Variants in DNAH5 observed in about 807,000 individuals in gnomAD.
The protein encoded by DNAH5 is axonemal beta dynein heavy chain 5.
Under a neutral mutation model 518.2 loss-of-function variants are expected in DNAH5, and 372 were observed. The observed-to-expected ratio is 0.72, with a 90% CI of 0.66 to 0.78. DNAH5 has a LOEUF of 0.78. DNAH5 is among the 30% of genes least tolerant of loss of function. The pLI is 0.00. For missense variants in DNAH5, 5,523 were observed against 5,687.0 expected (o/e 0.97, Z 0.93); for synonymous variants, 2,039 against 2,025.9 (o/e 1.01, Z -0.17).
chr5:13,754,275 C>T lies in DNAH5; in HGVS notation c.10483G>A (p.Gly3495Ser). 1 of 1,614,120 alleles carries T rather than the reference C, an allele frequency of 6.2e-7. No homozygotes were observed. The highest frequency in any genetic ancestry group is 8.5e-7 in the Non-Finnish European group (1 of 1,179,992). The change falls in exon 62 of 79, where the codon GGC (glycine) becomes AGC (serine). Residue 3495 changes from glycine (G) to serine (S), a missense_variant. Gly to Ser is a moderately conservative substitution (Grantham distance 56, BLOSUM62 0). Around this residue, in one of 3 missense-constraint regions of DNAH5, gnomAD observed 5,121 missense variants for 5,223.3 expected, o/e 0.98. Transcript: ENST00000265104. ...KMQTASTLIS[G>S]LAGEKERWTE... ...CATCTTTCTTTTTCACCTGCCAAGC[C>T]ACTGATGAGCGTGGAAGCTGTCTGC... is the stretch of plus-strand genomic sequence containing the variant.
chr5:13,753,458 T>C lies in DNAH5; in HGVS notation c.10647A>G (p.Glu3549=). ...CAAATGGAATTTTCCGGGCTTTCAT[T>C]TCCTTCCGCCAGTCATTTAACAGAA... The part of the protein sequence containing the change: ...RDLLLNDWRK[E]MKARKIPFGK... Residue 3549 remains glutamate, a synonymous_variant, in exon 63 of 79, where the codon GAA becomes GAG. Coordinates refer to ENST00000265104, the MANE Select transcript of DNAH5 (RefSeq NM_001369.3). 1 of 1,614,064 alleles carries C rather than the reference T, an allele frequency of 6.2e-7. No homozygotes were observed. The highest frequency in any genetic ancestry group is 1.7e-5 in the Admixed American group (1 of 60,020).
At chr5:13,950,588 T>C (rs1292550564) in intron 1 of DNAH5, among the ~76,000 whole-genome samples, 1 of 152,244 alleles carries the variant, frequency 6.6e-6, no homozygotes, top group East Asian at 1.9e-4. Flanking sequence ...ATTCTTTGTA[T>C]ATAAAGCTGT....
At chr5:13,780,743 A>G (rs1331990324) in intron 53 of DNAH5, 86 bp downstream of exon 53, 3 of 1,442,790 alleles carry the variant, frequency 2.1e-6, no homozygotes, top group Non-Finnish European at 2.9e-6. Flanking sequence ...CTTTATATGT[A>G]AGAGAAATGC....
intron 1 of DNAH5, among the ~76,000 whole-genome samples, chr5:13,974,143 C>CT (rs34894313): frequency 3.4e-5 from 5 of 148,296 alleles, no homozygotes; most frequent in East Asian, 2.0e-4. Flanking sequence ...CTTTTCTTTT[C>CT]TTTTTTTTTT....
Position 13,777,311 on chromosome 5 carries a change from T to C in DNAH5, c.8996A>G (p.Tyr2999Cys), listed in dbSNP as rs1316256046. The C allele has an allele frequency of 4.3e-6, 7 of 1,613,512 alleles. No homozygotes were observed. In the Admixed American group the frequency reaches 5.0e-5, roughly 12 times the overall value. Residue 2999 changes from tyrosine (Y) to cysteine (C), a missense_variant, in exon 54 of 79, where the codon TAT becomes TGT. Coordinates refer to ENST00000265104, the MANE Select transcript of DNAH5 (RefSeq NM_001369.3). ...TTTGCCTTGCTGACCAGCTGTTCGA[T>C]ACAAAACCTTCAGATCTTCCATCAG... is the stretch of plus-strand genomic sequence containing the variant. ...SNLMEDLKVL[Y>C]RTAGQQGKGI... is the part of the protein sequence containing the mutation.
rs180724169 is a variant in DNAH5 at position 13,752,053 on chromosome 5, T to C, written c.11028+81A>G. On this transcript the variant is annotated intron_variant, in intron 64 of 78. Coordinates refer to ENST00000265104, the MANE Select transcript of DNAH5 (RefSeq NM_001369.3). ...GGACTCAAATTTAAGTTGTTGCCTA[T>C]TGAGAGAATTCTATCTGTGTCACAT... 2.5e-4 allele frequency: 363 copies of C among 1,448,964 alleles called. 1 individual carries two copies. The African/African-American group carries it at 2.9e-3, about 11-fold the overall frequency. The allele number at this position is 1,448,964 out of a possible 1,614,324, so 89.8% of individuals were successfully genotyped here.
rs1291431178 is a variant in DNAH5, at chr5:13,807,624, A to C, written c.7854T>G (p.Asn2618Lys). 5 of 1,613,682 alleles carry C rather than the reference A, an allele frequency of 3.1e-6. No homozygotes were observed. In the South Asian group the frequency reaches 3.3e-5, roughly 11 times the overall value. Residue 2618 changes from asparagine (N) to lysine (K), a missense_variant, in exon 47 of 79, where the codon AAT (asparagine) becomes AAG (lysine). Physicochemically the swap from Asn to Lys is moderately conservative, Grantham distance 94. Transcript: ENST00000265104. ...DPECHMIKSLNFSSATTPLMF... is the reference protein window; with the variant it reads ...DPECHMIKSLKFSSATTPLMF... ...TCAGTGGGGTGGTTGCAGAAGAAAA[A>C]TTCAGACTCTTGATCATGTGACATT...
intron 47 of DNAH5, among the ~76,000 whole-genome samples, chr5:13,802,922 T>C (rs568748472): frequency 1.2e-3 from 188 of 152,320 alleles, no homozygotes; most frequent in African/African-American, 4.4e-3. Flanking sequence ...GTAAATCATA[T>C]GTACGTACAT....
Position 13,867,847 on chromosome 5 carries a change from A to C in DNAH5, c.3980T>G (p.Phe1327Cys). Residue 1327 changes from phenylalanine to cysteine, a missense_variant, in exon 25 of 79, where the codon TTC becomes TGC. This residue lies in a region of DNAH5 where 5,121 missense variants were observed against 5,223.3 expected (regional missense o/e 0.98). Coordinates refer to ENST00000265104, the MANE Select transcript of DNAH5 (RefSeq NM_001369.3). ...CACAGCACTAATAAGCTCTTTCTTG[A>C]AACTGGGCTGCAGTGAGACTAATTT... ...QNKLVSLQPSFKKELISAVEV... is the reference protein window; with the variant it reads ...QNKLVSLQPSCKKELISAVEV... 1 of 1,614,080 alleles carries C rather than the reference A, an allele frequency of 6.2e-7. No homozygotes were observed. The highest frequency in any genetic ancestry group is 1.1e-5 in the South Asian group (1 of 91,070).
chr5:13,780,197 C>A (rs544384882), intron 53 of DNAH5, among the ~76,000 whole-genome samples: 6 of 152,318 alleles, frequency 3.9e-5, no homozygotes, highest in African/African-American at 1.4e-4. Context: ...TCACTTTCTC[C>A]AGGAAGTCTT....
chr5:13,852,308 C>T lies in DNAH5; in HGVS notation c.4951-1493G>A, dbSNP rs151202599. Among the ~76,000 whole-genome samples, 109 of 152,276 alleles carry T rather than the reference C, an allele frequency of 7.2e-4. 1 individual carries two copies. In the East Asian group the frequency reaches 0.017, roughly 24 times the overall value. On this transcript the variant is annotated intron_variant, in intron 30 of 78. Coordinates refer to ENST00000265104, the MANE Select transcript of DNAH5 (RefSeq NM_001369.3). ...TCAGCCTCCTGAGAAGCTGGGATTA[C>T]AGGCATGTGCCACCATGCCTGGCTA...
intron 46 of DNAH5, 31 bp from the exon 47 acceptor site, chr5:13,807,756 A>T: frequency 1.3e-6 from 2 of 1,571,660 alleles, no homozygotes; most frequent in Non-Finnish European, 1.7e-6. Context: ...AAAAAAAGAA[A>T]TGAAATAAAT....
chr5:13,973,978 T>C (rs141627508), intron 1 of DNAH5, among the ~76,000 whole-genome samples: 110 of 152,320 alleles, frequency 7.2e-4, no homozygotes, highest in African/African-American at 2.5e-3. Context: ...AAAACAATTA[T>C]GTGATCATCC....
intron 1 of DNAH5, among the ~76,000 whole-genome samples, chr5:13,934,919 A>C (rs1778783756): frequency 6.6e-6 from 1 of 152,248 alleles, no homozygotes; most frequent in Non-Finnish European, 1.5e-5. Context: ...AATGTCACTA[A>C]AGCCAGGAAG....
At chr5:13,999,826 C>T (rs1440341381) in intron 1 of DNAH5, among the ~76,000 whole-genome samples, 1 of 152,154 alleles carries the variant, frequency 6.6e-6, no homozygotes, top group East Asian at 1.9e-4. Flanking sequence ...TGCAAGGGCT[C>T]CAGGATTTCC....
At chr5:13,734,183 T>C (rs1374450659) in intron 68 of DNAH5, among the ~76,000 whole-genome samples, 1 of 152,102 alleles carries the variant, frequency 6.6e-6, no homozygotes, top group Non-Finnish European at 1.5e-5. Flanking sequence ...CCCCAGCATG[T>C]GAAGATGCAA....
At chr5:13,774,647 A>G (rs1479444773) in intron 55 of DNAH5, among the ~76,000 whole-genome samples, 1 of 152,186 alleles carries the variant, frequency 6.6e-6, no homozygotes, top group Non-Finnish European at 1.5e-5. Flanking sequence ...AAATGAACAA[A>G]TAGATTAATG....
intron 74 of DNAH5, 26 bp downstream of exon 74, chr5:13,716,461 T>C (rs376343137): frequency 1.8e-5 from 28 of 1,541,922 alleles, no homozygotes; most frequent in Non-Finnish European, 2.3e-5. Context: ...ATTTGCTCTA[T>C]GCATAAAATT....
intron 17 of DNAH5, among the ~76,000 whole-genome samples, chr5:13,889,353 G>A (rs1310114010): frequency 1.3e-5 from 2 of 152,174 alleles, no homozygotes; most frequent in Admixed American, 1.3e-4. Context: ...TGAATGTGAG[G>A]AGGAGGGACT....
Sources: gnomAD v4.1 joint callset for allele counts (sites outside exome capture counted in the v4.1 genomes callset) on GRCh38, gnomAD v4.1.1 for gene constraint, gnomAD v4.1.1 regional missense constraint, MANE v1.5 for transcripts, NCBI Gene and HGNC (gene_info 2026-07-23, HGNC 2026-07-21) for gene names.